ASMT: variants seen among roughly 807,000 people sequenced by gnomAD.
ASMT encodes acetylserotonin O-methyltransferase, also known as acetylserotonin N-methyltransferase.
ASMT carries 53 observed loss-of-function variants against 41.3 expected under a neutral mutation model. That is an observed-to-expected ratio of 1.28 (90% CI 1.03 to 1.61). The LOEUF (loss-of-function observed/expected upper bound fraction) is 1.61. ASMT is among the 40% of genes most tolerant of loss of function. The probability of loss-of-function intolerance (pLI) is 0.00; values close to 1 mark genes in which losing one functional copy is unlikely to be tolerated. For missense variants in ASMT, 531 were observed against 441.3 expected (o/e 1.20, Z -1.82); for synonymous variants, 231 against 184.8 (o/e 1.25, Z -2.03).
chrX:1,635,963 C>CATTTT (rs1556132253), intron 7 of ASMT, among the ~76,000 whole-genome samples: 5 of 141,988 alleles, frequency 3.5e-5, no homozygotes, highest in Non-Finnish European at 7.7e-5. Context: ...TATTTTCTTT[C>CATTTT]TTTTTTTTTT....
chrX:1,642,177 C>T (rs1328255818), intron 8 of ASMT, among the ~76,000 whole-genome samples: 2 of 146,292 alleles, frequency 1.4e-5, no homozygotes, highest in African/African-American at 2.5e-5. Flanking sequence ...ATGGGCACAG[C>T]CTCTCTGTGT....
intron 7 of ASMT, among the ~76,000 whole-genome samples, chrX:1,635,843 CAA>C (rs1488532235): frequency 2.0e-5 from 3 of 151,086 alleles, no homozygotes; most frequent in Admixed American, 6.6e-5. Context: ...GCCTGGGCAA[CAA>C]GAGCAAAACT....
intron 5 of ASMT, among the ~76,000 whole-genome samples, chrX:1,631,236 G>C (rs1378040947): frequency 6.6e-6 from 1 of 151,596 alleles, no homozygotes; most frequent in Non-Finnish European, 1.5e-5. Flanking sequence ...TTTTTGTAGA[G>C]AACGAGTCTC....
chrX:1,628,288 T>C (rs1934634618), intron 4 of ASMT, among the ~76,000 whole-genome samples: 1 of 152,116 alleles, frequency 6.6e-6, no homozygotes, highest in Non-Finnish European at 1.5e-5. Flanking sequence ...ACCACTGCAC[T>C]CCAGCCTGGG....
At chrX:1,627,451 T>C (rs561216186) in intron 3 of ASMT, among the ~76,000 whole-genome samples, 22 of 151,124 alleles carry the variant, frequency 1.5e-4, no homozygotes, top group African/African-American at 5.1e-4. Flanking sequence ...GTGAAACCTG[T>C]CTCCACTAAA....
chrX:1,632,404 C>T (rs1254264600), intron 5 of ASMT, among the ~76,000 whole-genome samples: 7 of 152,184 alleles, frequency 4.6e-5, no homozygotes, highest in African/African-American at 9.6e-5. Flanking sequence ...GTCATCCCAG[C>T]ACTTTGGGAG....
intron 5 of ASMT, among the ~76,000 whole-genome samples, chrX:1,631,636 C>T (rs1278545931): frequency 7.9e-5 from 12 of 151,984 alleles, no homozygotes; most frequent in Admixed American, 2.6e-4. Context: ...ACAAGCAGAC[C>T]GGGCGCGGTG....
At chrX:1,620,875 G>A (rs1261417445) in intron 1 of ASMT, among the ~76,000 whole-genome samples, 7 of 151,296 alleles carry the variant, frequency 4.6e-5, no homozygotes, top group East Asian at 3.9e-4. Context: ...GCGACAGAGC[G>A]AGACTCTGTC....
rs1400779406 is a variant in ASMT at position 1,615,272 on chromosome X, G to C, written c.69+4G>C. 1.0e-5 allele frequency: 16 copies of C among 1,589,634 alleles called. No individual in the cohort carries two copies. Among genetic ancestry groups the C allele is most frequent in the Non-Finnish European group, 1.4e-5 (16 of 1,167,864 alleles). ...CAACGGCTTCATGGTGTCCCAGGTA[G>C]GATACGCTCTGTGGGACAAGGGGGA... On this transcript the variant is annotated splice_donor_region_variant and intron_variant, in intron 1 of 8. Coordinates refer to ENST00000381241, the MANE Select transcript of ASMT (RefSeq NM_001171038.2).
Position 1,626,778 on chromosome X carries a change from A to C in ASMT, c.375-925A>C, listed in dbSNP as rs781056927. Among the ~76,000 whole-genome samples the C allele has an allele frequency of 3.5e-3, 539 of 152,136 alleles. 2 individuals carry two copies. Among genetic ancestry groups the C allele is most frequent in the African/African-American group, 0.012 (517 of 41,528 alleles). On this transcript the variant is annotated intron_variant, in intron 3 of 8. Transcript: ENST00000381241. Reference sequence around the variant, plus strand: ...CGCGGTGGCTCACGCCTGTAATCCCAGCACTTTGAGAGGCCGAGGCGGGTG... The same window carrying C: ...CGCGGTGGCTCACGCCTGTAATCCCCGCACTTTGAGAGGCCGAGGCGGGTG...
intron 1 of ASMT, among the ~76,000 whole-genome samples, chrX:1,616,689 G>C (rs1934127152): frequency 6.6e-6 from 1 of 151,214 alleles, no homozygotes; most frequent in Non-Finnish European, 1.5e-5. Flanking sequence ...GGGCAACATA[G>C]TGAGACCCCC....
chrX:1,629,992 G>A (rs200984432), intron 5 of ASMT, 53 bp downstream of exon 5: 15 of 1,412,846 alleles, frequency 1.1e-5, no homozygotes, highest in Non-Finnish European at 1.4e-5. Context: ...GTTCTGTATG[G>A]GGAATGTGTT....
chrX:1,627,918 C>G, intron 4 of ASMT, 147 bp downstream of exon 4: 1 of 803,554 alleles, frequency 1.2e-6, no homozygotes, highest in East Asian at 2.4e-5. Flanking sequence ...ATCCCCACTA[C>G]TACCCCAGAT....
At chrX:1,620,871 G>C (rs1934312958) in intron 1 of ASMT, among the ~76,000 whole-genome samples, 1 of 151,540 alleles carries the variant, frequency 6.6e-6, no homozygotes, top group African/African-American at 2.4e-5. Context: ...CCTGGCGACA[G>C]AGCGAGACTC....
At chrX:1,635,024 G>T (rs111657550) in intron 7 of ASMT, among the ~76,000 whole-genome samples, 1 of 131,586 alleles carries the variant, frequency 7.6e-6, no homozygotes, top group Admixed American at 7.8e-5. Flanking sequence ...ACCCAGGCTG[G>T]AGTGCAGTGG....
At chrX:1,619,110 C>A (rs1424910339) in intron 1 of ASMT, among the ~76,000 whole-genome samples, 2 of 151,848 alleles carry the variant, frequency 1.3e-5, no homozygotes, top group Non-Finnish European at 2.9e-5. Flanking sequence ...TTTAGTATAC[C>A]CTTGGCCAGG....
intron 4 of ASMT, chrX:1,628,029 T>C: frequency 3.5e-6 from 2 of 574,878 alleles, no homozygotes; most frequent in South Asian, 2.1e-5. Context: ...ATGTAGAAAA[T>C]GGAGGCACGC....
intron 5 of ASMT, among the ~76,000 whole-genome samples, chrX:1,630,483 T>C (rs1193846689): frequency 3.3e-5 from 5 of 152,006 alleles, no homozygotes; most frequent in African/African-American, 1.2e-4. Context: ...TTTTTGTATT[T>C]TTTAATAGAG....
intron 4 of ASMT, among the ~76,000 whole-genome samples, chrX:1,628,830 T>C (rs866782713): frequency 6.8e-6 from 1 of 146,702 alleles, no homozygotes; most frequent in African/African-American, 2.5e-5. Flanking sequence ...TCTCCCGTCT[T>C]CTTTCTCTCA....
Sources: allele counts gnomAD v4.1 joint callset (sites outside exome capture counted in the v4.1 genomes callset), GRCh38; gene constraint gnomAD v4.1.1; transcripts MANE v1.5; gene names NCBI Gene and HGNC (gene_info 2026-07-23, HGNC 2026-07-21).